Variants in CLNK observed in about 807,000 individuals in gnomAD.
The protein encoded by CLNK is cytokine-dependent hematopoietic cell linker.
Under a neutral mutation model 68.6 loss-of-function variants are expected in CLNK, and 74 were observed. That is an observed-to-expected ratio of 1.08 (90% CI 0.89 to 1.31). CLNK has a LOEUF of 1.31. Ranked by LOEUF, CLNK falls within the 50% of genes most tolerant of loss-of-function variation. The pLI, the probability that CLNK is intolerant of heterozygous loss-of-function variation, is 0.00. For missense variants in CLNK, 553 were observed against 515.3 expected, an observed-to-expected ratio of 1.07 and a Z score of -0.71; for synonymous variants, 198 against 172.2, an observed-to-expected ratio of 1.15 and a Z score of -1.17.
chr4:10,542,664 G>A (rs1198071050), intron 8 of CLNK, among the ~76,000 whole-genome samples: 1 of 147,718 alleles, frequency 6.8e-6, no homozygotes, highest in Admixed American at 6.7e-5. Flanking sequence ...GTATGTGTGT[G>A]TGTGTGTGTG....
At chr4:10,571,438 G>A (rs932258537) in intron 5 of CLNK, among the ~76,000 whole-genome samples, 14 of 144,292 alleles carry the variant, frequency 9.7e-5, no homozygotes, top group African/African-American at 2.6e-4. Flanking sequence ...GGGTTCAAGC[G>A]ATTCTCCTGC....
chr4:10,492,284 C>T (rs1279845637), intron 18 of CLNK, among the ~76,000 whole-genome samples: 1 of 152,090 alleles, frequency 6.6e-6, no homozygotes, highest in Non-Finnish European at 1.5e-5. Flanking sequence ...TCTGATGCTC[C>T]AACAAACCAG....
At chr4:10,606,950 G>C (rs1438763400) in intron 2 of CLNK, among the ~76,000 whole-genome samples, 1 of 152,174 alleles carries the variant, frequency 6.6e-6, no homozygotes, top group Non-Finnish European at 1.5e-5. Flanking sequence ...GTACTGCCCT[G>C]GGTGAGCTGA....
intron 3 of CLNK, 64 bp downstream of exon 3, chr4:10,597,914 C>A: frequency 8.8e-7 from 1 of 1,130,908 alleles, no homozygotes; most frequent in South Asian, 1.4e-5. Flanking sequence ...TTGTGATGGT[C>A]AGCTTATTTG....
At chr4:10,670,952 A>G (rs777871463) in intron 1 of CLNK, among the ~76,000 whole-genome samples, 1 of 152,246 alleles carries the variant, frequency 6.6e-6, no homozygotes. Context: ...GATTGGTAAT[A>G]TCAGTGCTTA....
At chr4:10,537,636 T>TCC (rs879893735) in intron 11 of CLNK, among the ~76,000 whole-genome samples, 50 of 62,344 alleles carry the variant, frequency 8.0e-4, no homozygotes, top group Middle Eastern at 7.6e-3. Flanking sequence ...TTTCTTTCTT[T>TCC]CTCTTTCTTT....
the CLNK span, among the ~76,000 whole-genome samples, chr4:10,723,918 G>GAGAGAGAGAGAGA: frequency 7.5e-5 from 11 of 146,724 alleles, no homozygotes; most frequent in African/African-American, 2.9e-4. Context: ...GAGAGAGAGA[G>GAGAGAGAGAGAGA]AAGGCAGGGC....
chr4:10,544,173 A>G (rs1577119172), intron 8 of CLNK, among the ~76,000 whole-genome samples: 1 of 152,340 alleles, frequency 6.6e-6, no homozygotes, highest in East Asian at 1.9e-4. Context: ...AATTCACTGG[A>G]AAAAGAATTC....
At chr4:10,587,049 C>A (rs1720996040) in intron 3 of CLNK, among the ~76,000 whole-genome samples, 1 of 151,896 alleles carries the variant, frequency 6.6e-6, no homozygotes, top group South Asian at 2.1e-4. Context: ...ACTGCAACCT[C>A]CGCCTCCCAC....
intron 3 of CLNK, among the ~76,000 whole-genome samples, chr4:10,593,164 G>A (rs564885099): frequency 1.2e-4 from 18 of 152,308 alleles, no homozygotes; most frequent in African/African-American, 3.4e-4. Context: ...CTTTCAGGGC[G>A]GCACTCCGCC....
chr4:10,529,166 G>A (rs1030866208), intron 12 of CLNK, among the ~76,000 whole-genome samples: 2 of 152,228 alleles, frequency 1.3e-5, no homozygotes, highest in Non-Finnish European at 2.9e-5. Context: ...GGATGAAAGA[G>A]ATCATTGAAT....
chr4:10,713,149 C>A, the CLNK span, among the ~76,000 whole-genome samples: 4 of 151,990 alleles, frequency 2.6e-5, no homozygotes, highest in Non-Finnish European at 4.4e-5. Flanking sequence ...TTTTTCTGGG[C>A]AGTAGGAAAG....
intron 18 of CLNK, among the ~76,000 whole-genome samples, chr4:10,492,836 T>C (rs1716639278): frequency 6.6e-6 from 1 of 152,168 alleles, no homozygotes; most frequent in South Asian, 2.1e-4. Flanking sequence ...TTCTGTCCTT[T>C]CTGGTTACAT....
At chr4:10,617,909 A>T (rs1722297893) in intron 2 of CLNK, among the ~76,000 whole-genome samples, 1 of 151,592 alleles carries the variant, frequency 6.6e-6, no homozygotes, top group Non-Finnish European at 1.5e-5. Context: ...TTACATCTGA[A>T]TCACTAGTGT....
intron 1 of CLNK, among the ~76,000 whole-genome samples, chr4:10,669,762 T>A (rs1188502830): frequency 6.6e-6 from 1 of 152,006 alleles, no homozygotes; most frequent in Non-Finnish European, 1.5e-5. Context: ...ACCAGCCTCA[T>A]CCCCTCGTCT....
intron 8 of CLNK, among the ~76,000 whole-genome samples, chr4:10,544,178 G>T (rs771602330): frequency 2.6e-5 from 4 of 152,260 alleles, no homozygotes; most frequent in East Asian, 3.9e-4. Flanking sequence ...ACTGGAAAAA[G>T]AATTCAATAA....
chr4:10,657,587 A>G (rs1417780368), intron 2 of CLNK, among the ~76,000 whole-genome samples: 1 of 152,248 alleles, frequency 6.6e-6, no homozygotes, highest in Non-Finnish European at 1.5e-5. Flanking sequence ...TAGAGTTCTT[A>G]GAAAAATCTA....
At chr4:10,547,746 T>C (rs573191821) in intron 8 of CLNK, among the ~76,000 whole-genome samples, 1 of 152,280 alleles carries the variant, frequency 6.6e-6, no homozygotes, top group South Asian at 2.1e-4. Context: ...TACAGCATCA[T>C]TTTTCTGCGT....
the CLNK span, among the ~76,000 whole-genome samples, chr4:10,724,434 C>A: frequency 6.6e-6 from 1 of 151,270 alleles, no homozygotes; most frequent in Non-Finnish European, 1.5e-5. Flanking sequence ...TAGCTTAAGT[C>A]ATTTTCTGGA....
Sources: allele counts gnomAD v4.1 joint callset (sites outside exome capture counted in the v4.1 genomes callset), GRCh38; gene constraint gnomAD v4.1.1; transcripts MANE v1.5; gene names NCBI Gene and HGNC (gene_info 2026-07-23, HGNC 2026-07-21).